EDIL3: variants seen among roughly 807,000 people sequenced by gnomAD.
The protein encoded by EDIL3 is EGF-like repeat and discoidin I-like domain-containing protein 3.
Under a neutral mutation model 67.4 loss-of-function variants are expected in EDIL3, and 37 were observed. The ratio of observed to expected loss-of-function variants is 0.55; its 90% CI spans 0.42 to 0.72. The LOEUF (loss-of-function observed/expected upper bound fraction) is 0.72. EDIL3 is among the 30% of genes least tolerant of loss of function. The pLI, the probability that EDIL3 is intolerant of heterozygous loss-of-function variation, is 0.00. For synonymous variants in EDIL3, 195 were observed against 196.3 expected, an observed-to-expected ratio of 0.99 and a Z score of 0.05; for missense variants, 527 against 586.3, an observed-to-expected ratio of 0.90 and a Z score of 1.04.
intron 3 of EDIL3, among the ~76,000 whole-genome samples, chr5:84,186,757 C>T (rs959841990): frequency 6.6e-6 from 1 of 151,974 alleles, no homozygotes; most frequent in Non-Finnish European, 1.5e-5. Flanking sequence ...ATGTATATCA[C>T]TCTCACACAG....
chr5:83,979,502 T>C (rs58607462), intron 9 of EDIL3, among the ~76,000 whole-genome samples: 1 of 152,228 alleles, frequency 6.6e-6, no homozygotes, highest in East Asian at 1.9e-4. Flanking sequence ...TGAAAAGTTA[T>C]AAAGTCTATG....
intron 4 of EDIL3, among the ~76,000 whole-genome samples, chr5:84,162,750 A>G (rs1211815716): frequency 1.3e-5 from 2 of 151,982 alleles, no homozygotes; most frequent in Non-Finnish European, 2.9e-5. Flanking sequence ...AAATCCACAC[A>G]TATTCTTTCC....
chr5:84,335,840 T>C (rs768038666), intron 1 of EDIL3, among the ~76,000 whole-genome samples: 23 of 152,136 alleles, frequency 1.5e-4, no homozygotes, highest in Non-Finnish European at 3.1e-4. Context: ...GTCACAGTTC[T>C]GGGGGCTGGG....
At chr5:84,114,372 T>A (rs983739734) in intron 5 of EDIL3, among the ~76,000 whole-genome samples, 1 of 152,072 alleles carries the variant, frequency 6.6e-6, no homozygotes, top group South Asian at 2.1e-4. Context: ...GCCAAAAAGT[T>A]TCCCGGATAC....
At chr5:84,194,517 A>C (rs935873204) in intron 3 of EDIL3, among the ~76,000 whole-genome samples, 1 of 151,954 alleles carries the variant, frequency 6.6e-6, no homozygotes, top group Non-Finnish European at 1.5e-5. Flanking sequence ...AGTAGACATG[A>C]AAATGTAGAC....
At chr5:84,071,794 C>T (rs1261312586) in intron 6 of EDIL3, among the ~76,000 whole-genome samples, 1 of 152,152 alleles carries the variant, frequency 6.6e-6, no homozygotes, top group Non-Finnish European at 1.5e-5. Context: ...AGAAGATCAA[C>T]ATATAACTAT....
chr5:84,019,304 C>G (rs1459294978), intron 9 of EDIL3, among the ~76,000 whole-genome samples: 7 of 151,654 alleles, frequency 4.6e-5, no homozygotes, highest in African/African-American at 7.3e-5. Context: ...GACAAAAAAC[C>G]AAACACCACA....
At chr5:84,378,033 C>G (rs2112220603) in intron 1 of EDIL3, among the ~76,000 whole-genome samples, 1 of 152,282 alleles carries the variant, frequency 6.6e-6, no homozygotes, top group East Asian at 1.9e-4. Flanking sequence ...GACATTTTAT[C>G]TACATTGTAA....
intron 9 of EDIL3, among the ~76,000 whole-genome samples, chr5:83,966,394 T>C (rs982172189): frequency 1.3e-5 from 2 of 152,118 alleles, no homozygotes; most frequent in African/African-American, 2.4e-5. Context: ...AATGTCACTA[T>C]GTATCAGAGC....
At chr5:84,272,652 T>C (rs556059059) in intron 1 of EDIL3, among the ~76,000 whole-genome samples, 1 of 152,302 alleles carries the variant, frequency 6.6e-6, no homozygotes, top group East Asian at 1.9e-4. Flanking sequence ...TAAATGCAAC[T>C]CATAAATGGT....
intron 1 of EDIL3, among the ~76,000 whole-genome samples, chr5:84,312,424 G>A (rs1746422116): frequency 1.1e-4 from 16 of 143,542 alleles, no homozygotes; most frequent in Admixed American, 1.1e-3. Flanking sequence ...GGCTGGCCGG[G>A]CAGAGGGGCT....
intron 3 of EDIL3, among the ~76,000 whole-genome samples, chr5:84,199,955 T>C (rs912219462): frequency 1.6e-4 from 25 of 152,060 alleles, no homozygotes; most frequent in African/African-American, 5.8e-4. Context: ...ATCTAATGAC[T>C]GAGGAAAAGA....
At chr5:84,168,507 T>C (rs1748753663) in intron 4 of EDIL3, among the ~76,000 whole-genome samples, 1 of 152,144 alleles carries the variant, frequency 6.6e-6, no homozygotes, top group African/African-American at 2.4e-5. Context: ...ATGATGCTGT[T>C]GAAAGATAGA....
At chr5:84,371,049 C>T (rs759461987) in intron 1 of EDIL3, among the ~76,000 whole-genome samples, 2 of 151,778 alleles carry the variant, frequency 1.3e-5, no homozygotes, top group Non-Finnish European at 2.9e-5. Flanking sequence ...ATCAAGCTTA[C>T]AGTCTATTGG....
At chr5:84,231,219 T>C (rs963897833) in intron 2 of EDIL3, among the ~76,000 whole-genome samples, 1 of 152,162 alleles carries the variant, frequency 6.6e-6, no homozygotes, top group African/African-American at 2.4e-5. Context: ...CCAAGGGCAA[T>C]AACCTACTGC....
intron 6 of EDIL3, among the ~76,000 whole-genome samples, chr5:84,096,668 T>C (rs1405668727): frequency 6.6e-6 from 1 of 152,132 alleles, no homozygotes; most frequent in Non-Finnish European, 1.5e-5. Context: ...TGAAATGAGT[T>C]AAGACTCTGG....
intron 1 of EDIL3, among the ~76,000 whole-genome samples, chr5:84,293,931 T>A (rs1745979211): frequency 6.6e-6 from 1 of 151,988 alleles, no homozygotes; most frequent in Admixed American, 6.5e-5. Context: ...AATACATATT[T>A]TAGGTTTGTT....
At chr5:84,272,788 T>C (rs1369159271) in intron 1 of EDIL3, among the ~76,000 whole-genome samples, 1 of 152,224 alleles carries the variant, frequency 6.6e-6, no homozygotes, top group Non-Finnish European at 1.5e-5. Flanking sequence ...TGAACACATT[T>C]TTTAAACAGC....
intron 1 of EDIL3, among the ~76,000 whole-genome samples, chr5:84,352,035 A>G (rs1561265725): frequency 6.6e-6 from 1 of 152,164 alleles, no homozygotes; most frequent in African/African-American, 2.4e-5. Context: ...ATATGAAAAA[A>G]TGCTCAATAT....
Sources: gnomAD v4.1 joint callset for allele counts (sites outside exome capture counted in the v4.1 genomes callset) on GRCh38, gnomAD v4.1.1 for gene constraint, MANE v1.5 for transcripts, NCBI Gene and HGNC (gene_info 2026-07-23, HGNC 2026-07-21) for gene names.